Variants in PDE4B observed in about 807,000 individuals in gnomAD.
PDE4B encodes 3',5'-cyclic-AMP phosphodiesterase 4B.
In PDE4B, 20 loss-of-function variants were observed where a neutral mutation model predicts 82.2. That is an observed-to-expected ratio of 0.24 (90% CI 0.17 to 0.35). The LOEUF is 0.35. PDE4B is among the 10% of genes least tolerant of loss of function. The pLI is 1.00. For missense variants in PDE4B, 655 were observed against 907.2 expected (o/e 0.72, Z 3.57); for synonymous variants, 320 against 318.9 (o/e 1.00, Z -0.04).
chr1:66,120,825 AGT>A (rs1418857309), intron 3 of PDE4B, among the ~76,000 whole-genome samples: 2 of 152,118 alleles, frequency 1.3e-5, no homozygotes, highest in African/African-American at 2.4e-5. Flanking sequence ...CAGGCATTTG[AGT>A]TTGGGACCTC....
intron 3 of PDE4B, among the ~76,000 whole-genome samples, chr1:65,938,390 T>C (rs1290194629): frequency 6.6e-6 from 1 of 152,226 alleles, no homozygotes; most frequent in Non-Finnish European, 1.5e-5. Context: ...TTCCTATGTT[T>C]TATTCATCCT....
chr1:65,840,677 G>A (rs954410955), intron 1 of PDE4B, among the ~76,000 whole-genome samples: 4 of 152,092 alleles, frequency 2.6e-5, no homozygotes, highest in Non-Finnish European at 2.9e-5. Context: ...CGTTAGCTAC[G>A]AGACCCTGTG....
intron 3 of PDE4B, among the ~76,000 whole-genome samples, chr1:65,936,573 G>C (rs1238115468): frequency 6.6e-6 from 1 of 152,086 alleles, no homozygotes; most frequent in Non-Finnish European, 1.5e-5. Flanking sequence ...AAATATTAGA[G>C]TGCGTCAGAA....
intron 3 of PDE4B, among the ~76,000 whole-genome samples, chr1:65,969,996 T>G (rs1353750482): frequency 6.6e-6 from 1 of 152,108 alleles, no homozygotes; most frequent in Non-Finnish European, 1.5e-5. Flanking sequence ...GTTCATTTAA[T>G]AATTCAACTT....
In PDE4B at chr1:66,241,752, C is replaced by T. The variant is rs17128642; in HGVS notation, c.282-5708C>T. Among the ~76,000 whole-genome samples the T allele has an allele frequency of 0.011, 1,742 of 152,246 alleles. 61 individuals are homozygous for T. The East Asian group carries it at 0.12, about 10-fold the overall frequency. The stretch of plus-strand genomic sequence containing the variant: ...CACACACACTCTATACAGAAACATA[C>T]ACCTTATTATAGAAACATTTTCTGT... On this transcript the variant is annotated intron_variant, in intron 3 of 16. Coordinates refer to ENST00000341517, the MANE Select transcript of PDE4B (RefSeq NM_002600.4).
chr1:65,797,908 A>G (rs759953247), intron 1 of PDE4B, among the ~76,000 whole-genome samples: 5 of 152,220 alleles, frequency 3.3e-5, no homozygotes, highest in Non-Finnish European at 7.3e-5. Flanking sequence ...CCTCCAGCCT[A>G]GAGGTCACTA....
At chr1:66,035,466 TCTC>T (rs1224076653) in intron 3 of PDE4B, among the ~76,000 whole-genome samples, 12 of 152,166 alleles carry the variant, frequency 7.9e-5, no homozygotes, top group Admixed American at 7.9e-4. Flanking sequence ...TTGACCAACA[TCTC>T]CTCTTTTCCT....
At chr1:66,294,453 G>C (rs1258499608) in intron 7 of PDE4B, among the ~76,000 whole-genome samples, 2 of 152,012 alleles carry the variant, frequency 1.3e-5, no homozygotes, top group African/African-American at 4.8e-5. Flanking sequence ...AATTAATTTA[G>C]ACCCAAAGTG....
chr1:65,800,474 A>G (rs1421058308), intron 1 of PDE4B, among the ~76,000 whole-genome samples: 2 of 152,240 alleles, frequency 1.3e-5, no homozygotes, highest in African/African-American at 4.8e-5. Flanking sequence ...TGAATAAGTG[A>G]GGACTGGGAA....
intron 3 of PDE4B, among the ~76,000 whole-genome samples, chr1:66,238,008 G>A (rs2153117): frequency 0.21 from 31,356 of 152,084 alleles, 6,686 homozygotes; most frequent in African/African-American, 0.53. Context: ...AATAGGTACT[G>A]TGAAGGGAAC....
Position 66,167,332 on chromosome 1 carries a change from A to C in PDE4B, c.282-80128A>C, listed in dbSNP as rs1214926924. 4.6e-5 allele frequency among the ~76,000 whole-genome samples: 7 copies of C among 152,242 alleles called. No individual in the cohort carries two copies. The South Asian group carries it at 8.3e-4, about 18-fold the overall frequency. ...ACAATCAACATAAACAAAATGTGAT[A>C]TATGAGTACAATAGAATTTATTTTG... is the stretch of plus-strand genomic sequence containing the variant. On this transcript the variant is annotated intron_variant, in intron 3 of 16. Coordinates refer to ENST00000341517, the MANE Select transcript of PDE4B (RefSeq NM_002600.4).
At chr1:65,865,662 A>C (rs1427607165) in intron 1 of PDE4B, among the ~76,000 whole-genome samples, 1 of 152,160 alleles carries the variant, frequency 6.6e-6, no homozygotes, top group East Asian at 1.9e-4. Flanking sequence ...TGCATTTCCC[A>C]GGTGAGGCAT....
chr1:66,167,715 T>C (rs1646762575), intron 3 of PDE4B, among the ~76,000 whole-genome samples: 1 of 152,234 alleles, frequency 6.6e-6, no homozygotes, highest in Non-Finnish European at 1.5e-5. Context: ...TTCCTTTCCA[T>C]TTTCAAGAGT....
At chr1:66,071,239 A>G (rs572208890) in intron 3 of PDE4B, among the ~76,000 whole-genome samples, 11 of 152,184 alleles carry the variant, frequency 7.2e-5, no homozygotes, top group African/African-American at 2.6e-4. Context: ...TAGGTTTACA[A>G]TTTTATTTTG....
chr1:66,291,311 G>T (rs1468470049), intron 7 of PDE4B, among the ~76,000 whole-genome samples: 3 of 152,078 alleles, frequency 2.0e-5, no homozygotes, highest in Non-Finnish European at 2.9e-5. Context: ...AAGCAGAGCA[G>T]CCAAGAGTGG....
chr1:66,016,756 T>C (rs896114951), intron 3 of PDE4B, among the ~76,000 whole-genome samples: 3 of 152,222 alleles, frequency 2.0e-5, no homozygotes, highest in African/African-American at 7.2e-5. Context: ...TTATAGTTTA[T>C]GTATTTATCT....
chr1:65,972,277 C>T (rs17452301), intron 3 of PDE4B, among the ~76,000 whole-genome samples: 9,487 of 152,110 alleles, frequency 0.062, 348 homozygotes, highest in Middle Eastern at 0.2. Context: ...CCCAAAAGGC[C>T]GGGAGAATAT....
intron 13 of PDE4B, among the ~76,000 whole-genome samples, chr1:66,366,359 C>A (rs1162828143): frequency 6.6e-6 from 1 of 152,140 alleles, no homozygotes; most frequent in African/African-American, 2.4e-5. Flanking sequence ...CTTAGGATTC[C>A]AAGCCATACT....
At chr1:66,319,202 T>G (rs1051071853) in intron 7 of PDE4B, among the ~76,000 whole-genome samples, 1 of 152,202 alleles carries the variant, frequency 6.6e-6, no homozygotes, top group African/African-American at 2.4e-5. Flanking sequence ...TCTAGGCAGA[T>G]GAAAGAGATT....
Sources: allele counts gnomAD v4.1 joint callset (sites outside exome capture counted in the v4.1 genomes callset), GRCh38; gene constraint gnomAD v4.1.1; transcripts MANE v1.5; gene names NCBI Gene and HGNC (gene_info 2026-07-23, HGNC 2026-07-21).